The following LRRC38 variants were observed in gnomAD, a reference collection of about 807,000 sequenced individuals.
LRRC38 encodes leucine-rich repeat-containing protein 38.
A neutral mutation model predicts 16.4 loss-of-function variants in LRRC38; 5 were observed. That is an observed-to-expected ratio of 0.31 (90% CI 0.16 to 0.64). LRRC38 has a LOEUF of 0.64. LRRC38 is among the 30% of genes least tolerant of loss of function. The pLI is 0.80. For missense variants in LRRC38, 341 were observed against 401.8 expected (o/e 0.85, Z 1.29); for synonymous variants, 191 against 190.2 (o/e 1.00, Z -0.04).
chr1:13,493,308 C>A (rs759182056), intron 1 of LRRC38, among the ~76,000 whole-genome samples: 3 of 140,316 alleles, frequency 2.1e-5, no homozygotes, highest in African/African-American at 7.8e-5. Flanking sequence ...GGTTGTGGTA[C>A]GGGGAAGTGA....
chr1:13,475,534 G>C lies in LRRC38; in HGVS notation c.*312C>G, dbSNP rs1268642762. 1 of 298,398 alleles carries C rather than the reference G, an allele frequency of 3.4e-6. No homozygotes were observed. Among genetic ancestry groups the C allele is most frequent in the Non-Finnish European group, 6.3e-6 (1 of 157,864 alleles). 18.5% of individuals were successfully genotyped at this position (298,398 alleles called of 1,614,324 possible). On this transcript the variant is annotated 3_prime_UTR_variant, in exon 2 of 2. Coordinates refer to ENST00000376085, the MANE Select transcript of LRRC38 (RefSeq NM_001010847.2). The surrounding 1 kb of genome is among the most constrained non-coding windows in gnomAD (Gnocchi z 4.3). ...AAGCTGCCAGTCTTCACATTTCCTG[G>C]GGGAGGCTTTTAGTCATCAGCTATG...
rs370605050 is a variant in LRRC38, at chr1:13,497,962, C to CAAAAA, written c.631+14996_631+15000dup. Among the ~76,000 whole-genome samples, 366 of 67,856 alleles carry CAAAAA rather than the reference C, an allele frequency of 5.4e-3. 4 individuals carry two copies. The highest frequency in any genetic ancestry group is 0.015 in the African/African-American group (267 of 17,744). The allele number at this position is 67,856 out of a possible 152,430, so 44.5% of individuals were successfully genotyped here. On this transcript the variant is annotated intron_variant, in intron 1 of 1. Transcript: ENST00000376085. ...GCAACAAGAGTGAAAAACTCCATCA[C>CAAAAA]AAAAAAAAAAAAAAAAAAAAGAAAC... is the stretch of plus-strand genomic sequence containing the variant.
At chr1:13,505,626 A>T (rs1430342762) in intron 1 of LRRC38, among the ~76,000 whole-genome samples, 1 of 152,190 alleles carries the variant, frequency 6.6e-6, no homozygotes, top group African/African-American at 2.4e-5. Flanking sequence ...CTAGTGGGAC[A>T]AAATGTATGA....
chr1:13,510,118 G>A (rs1487968745), intron 1 of LRRC38, among the ~76,000 whole-genome samples: 1 of 152,170 alleles, frequency 6.6e-6, no homozygotes, highest in East Asian at 1.9e-4. Flanking sequence ...GCTTCTCTGG[G>A]GGACAAGGGG....
chr1:13,481,333 C>T (rs1638851400), intron 1 of LRRC38, among the ~76,000 whole-genome samples: 1 of 151,062 alleles, frequency 6.6e-6, no homozygotes. Context: ...GCTGGGACTT[C>T]AGATGTGAGA....
chr1:13,509,234 T>C (rs1639247361), intron 1 of LRRC38, among the ~76,000 whole-genome samples: 1 of 152,090 alleles, frequency 6.6e-6, no homozygotes, highest in Non-Finnish European at 1.5e-5. Flanking sequence ...CTCGAATCTC[T>C]TTCCTAGTGC....
chr1:13,506,097 G>A (rs948960951), intron 1 of LRRC38, among the ~76,000 whole-genome samples: 1 of 152,180 alleles, frequency 6.6e-6, no homozygotes, highest in Non-Finnish European at 1.5e-5. Context: ...TGTAACGTCA[G>A]GCAGTGGTCA....
intron 1 of LRRC38, among the ~76,000 whole-genome samples, chr1:13,496,420 G>A (rs1024436660): frequency 4.0e-5 from 6 of 151,870 alleles, no homozygotes; most frequent in South Asian, 2.1e-4. Flanking sequence ...CAATCTTCCC[G>A]CCTCAGCCTC....
At position 13,475,977 on chromosome 1, in the gene LRRC38, T is replaced by C. The variant is rs1638783093; in HGVS notation, c.754A>G (p.Ile252Val). 4 of 1,550,016 alleles carry C rather than the reference T, an allele frequency of 2.6e-6. No homozygotes were observed. The highest frequency in any genetic ancestry group is 1.4e-5 in the African/African-American group (1 of 72,964). Reference sequence around the variant, plus strand: ...ATGGACACGGCCACACCGGAGAAAATGATGATGCAGAGGTCTGTGAGTGAC... The same window carrying C: ...ATGGACACGGCCACACCGGAGAAAACGATGATGCAGAGGTCTGTGAGTGAC... ...SLSLTDLCIIIFSGVAVSIAA... is the reference protein window; with the variant it reads ...SLSLTDLCIIVFSGVAVSIAA... The change falls in exon 2 of 2, where the codon ATT becomes GTT. Residue 252 changes from isoleucine (I) to valine (V), a missense_variant. Physicochemically the swap from Ile to Val is conservative, Grantham distance 29. Coordinates refer to ENST00000376085, the MANE Select transcript of LRRC38 (RefSeq NM_001010847.2). The surrounding 1 kb of genome is among the most constrained non-coding windows in gnomAD (Gnocchi z 4.3).
At chr1:13,483,266 C>T (rs895843174) in intron 1 of LRRC38, among the ~76,000 whole-genome samples, 2 of 152,164 alleles carry the variant, frequency 1.3e-5, no homozygotes, top group Non-Finnish European at 2.9e-5. Context: ...ATTCTCCTGC[C>T]TCAGCCTCCC....
intron 1 of LRRC38, among the ~76,000 whole-genome samples, chr1:13,509,152 C>T (rs1639246153): frequency 6.6e-6 from 1 of 152,190 alleles, no homozygotes; most frequent in Admixed American, 6.5e-5. Flanking sequence ...AATTCCGCCC[C>T]AGTCCATCCT....
chr1:13,485,420 C>T (rs1266645690), intron 1 of LRRC38, among the ~76,000 whole-genome samples: 1 of 151,788 alleles, frequency 6.6e-6, no homozygotes, highest in Admixed American at 6.6e-5. Context: ...TACTAAAATA[C>T]AAAAAATTAG....
chr1:13,484,234 A>AGGCCTCCCTGCCTCCATTCAAAGC (rs1214507558), intron 1 of LRRC38, among the ~76,000 whole-genome samples: 1 of 152,094 alleles, frequency 6.6e-6, no homozygotes, highest in Admixed American at 6.5e-5. Flanking sequence ...CTTCTCAAAG[A>AGGCCTCCCTGCCTCCATTCAAAGC]GGCCTCCCTG....
Position 13,475,919 on chromosome 1 carries a change from G to T in LRRC38, c.812C>A (p.Thr271Asn). ...GCACCTCTGGAGGCACTGCACCACA[G>T]TGGCCAGGAAGAAGCTGGAGATGAT... is the stretch of plus-strand genomic sequence containing the variant. The part of the protein sequence containing the change: ...AAIISSFFLA[T>N]VVQCLQRCAP... Residue 271 changes from threonine (T) to asparagine (N), a missense_variant, in exon 2 of 2, where the codon ACT (threonine) becomes AAT (asparagine). By Grantham distance (65) the Thr-to-Asn change is moderately conservative. Transcript: ENST00000376085. This position sits in a 1 kb window ranked among gnomAD's most constrained non-coding sequence, Gnocchi z 4.3. 1 of 1,550,626 alleles carries T rather than the reference G, an allele frequency of 6.4e-7. No homozygotes were observed. Among genetic ancestry groups the T allele is most frequent in the African/African-American group, 1.4e-5 (1 of 73,150 alleles).
chr1:13,476,974 G>A lies in LRRC38; in HGVS notation c.632-875C>T, dbSNP rs148718713. Among the ~76,000 whole-genome samples the A allele has an allele frequency of 2.0e-4, 31 of 152,256 alleles. 1 individual carries two copies. In the East Asian group the frequency reaches 5.8e-3, roughly 29 times the overall value. On this transcript the variant is annotated intron_variant, in intron 1 of 1. Coordinates refer to ENST00000376085, the MANE Select transcript of LRRC38 (RefSeq NM_001010847.2). ...TACAAAATTAGCCGGGCATGGTGGT[G>A]TGTTCCTGTAATTCCAGCTACTCAG...
chr1:13,483,572 C>T (rs567715177), intron 1 of LRRC38, among the ~76,000 whole-genome samples: 143 of 152,252 alleles, frequency 9.4e-4, no homozygotes, highest in African/African-American at 3.2e-3. Flanking sequence ...CTTCTGGACA[C>T]CCTTGTCAGA....
chr1:13,512,256 T>G (rs1639281987), intron 1 of LRRC38, among the ~76,000 whole-genome samples: 3 of 152,218 alleles, frequency 2.0e-5, no homozygotes, highest in Admixed American at 2.0e-4. Context: ...TGGAGCCCCT[T>G]AACTCCCTCC....
At chr1:13,504,751 GGGGAGGGGAGGGGAA>G (rs797026780) in intron 1 of LRRC38, among the ~76,000 whole-genome samples, 28 of 85,594 alleles carry the variant, frequency 3.3e-4, no homozygotes, top group African/African-American at 1.4e-3. Context: ...AGGGAGGGGA[GGGGAGGGGAGGGGAA>G]GGGAGGGAAG....
chr1:13,481,163 G>A (rs995760935), intron 1 of LRRC38, among the ~76,000 whole-genome samples: 3 of 152,188 alleles, frequency 2.0e-5, no homozygotes, highest in South Asian at 2.1e-4. Flanking sequence ...TCACTCTGGA[G>A]GGCAGTGGCG....
Sources: gnomAD v4.1 joint callset for allele counts (sites outside exome capture counted in the v4.1 genomes callset) on GRCh38, gnomAD v4.1.1 for gene constraint, Gnocchi (gnomAD v3.1) non-coding constraint, MANE v1.5 for transcripts, NCBI Gene and HGNC (gene_info 2026-07-23, HGNC 2026-07-21) for gene names.